The following DNAH8 variants were observed in gnomAD, a reference collection of about 807,000 sequenced individuals.
DNAH8 encodes axonemal beta dynein heavy chain 8.
Under a neutral mutation model 562.1 loss-of-function variants are expected in DNAH8, and 382 were observed. That is an observed-to-expected ratio of 0.68 (90% CI 0.63 to 0.74). The LOEUF is 0.74. Among genes scored for constraint, DNAH8 ranks in the 30% least tolerant of loss-of-function variants. The pLI is 0.00. For missense variants in DNAH8, 5,203 were observed against 5,620.4 expected (o/e 0.93, Z 2.37); for synonymous variants, 1,881 against 1,919.4 (o/e 0.98, Z 0.52).
Position 38,913,889 on chromosome 6 carries a change from A to T in DNAH8, c.9900A>T (p.Lys3300Asn). The T allele has an allele frequency of 6.2e-7, 1 of 1,613,302 alleles. No homozygotes were observed. Among genetic ancestry groups the T allele is most frequent in the Non-Finnish European group, 8.5e-7 (1 of 1,179,542 alleles). The change falls in exon 67 of 93, where the codon AAA becomes AAT. Residue 3300 changes from lysine to asparagine, a missense_variant. Physicochemically the swap from Lys to Asn is moderately conservative, Grantham distance 94 (BLOSUM62 0). Transcript: ENST00000327475. ...KLMEASESVA[K>N]LSQDLAVKEK... Reference sequence around the variant, plus strand: ...TGGAGGCAAGTGAATCTGTTGCTAAACTCTCTCAGGATCTTGCAGTCAAGG... The same window carrying T: ...TGGAGGCAAGTGAATCTGTTGCTAATCTCTCTCAGGATCTTGCAGTCAAGG...
chr6:38,948,391 T>G (rs1761606230), intron 80 of DNAH8, among the ~76,000 whole-genome samples: 1 of 152,108 alleles, frequency 6.6e-6, no homozygotes, highest in Admixed American at 6.5e-5. Context: ...AGAGCTGGAG[T>G]GCAATGGCAC....
At chr6:39,002,454 G>A (rs983755897) in intron 88 of DNAH8, among the ~76,000 whole-genome samples, 1 of 152,082 alleles carries the variant, frequency 6.6e-6, no homozygotes, top group African/African-American at 2.4e-5. Context: ...AGACTTATTT[G>A]TATTTTTCTT....
At chr6:38,861,598 C>G (rs930699705) in intron 43 of DNAH8, among the ~76,000 whole-genome samples, 1 of 152,188 alleles carries the variant, frequency 6.6e-6, no homozygotes, top group Admixed American at 6.5e-5. Context: ...TGCTCTGTCG[C>G]CCAGGCTGGA....
In DNAH8 at chr6:38,971,684, C is replaced by A; in HGVS notation, c.12525+19C>A. The A allele has an allele frequency of 6.4e-7, 1 of 1,558,768 alleles. No individual in the cohort carries two copies. The highest frequency in any genetic ancestry group is 8.7e-7 in the Non-Finnish European group (1 of 1,148,172). ...GCAGCAGGTATGTGACAAGAGACTG[C>A]TCCTGCTGCAACATTATTGCTAGAA... On this transcript the variant is annotated intron_variant, in intron 83 of 92. Transcript: ENST00000327475.
At chr6:39,001,961 C>G (rs1765518020) in intron 88 of DNAH8, among the ~76,000 whole-genome samples, 1 of 152,086 alleles carries the variant, frequency 6.6e-6, no homozygotes. Flanking sequence ...CTAAGAAGGT[C>G]TGGGGAGCCA....
chr6:38,854,643 C>T (rs1776039451), intron 41 of DNAH8, among the ~76,000 whole-genome samples: 1 of 151,886 alleles, frequency 6.6e-6, no homozygotes, highest in South Asian at 2.1e-4. Context: ...AAAAGAGTTC[C>T]TGAAACTAAA....
At chr6:38,933,403 T>G (rs1782708535) in intron 76 of DNAH8, among the ~76,000 whole-genome samples, 1 of 152,132 alleles carries the variant, frequency 6.6e-6, no homozygotes, top group African/African-American at 2.4e-5. Flanking sequence ...CCTACTATTA[T>G]ACCCATATTT....
chr6:38,842,963 C>A, intron 35 of DNAH8, 60 bp downstream of exon 35: 1 of 1,566,308 alleles, frequency 6.4e-7, no homozygotes, highest in Non-Finnish European at 8.7e-7. Context: ...TTTTTCTTTT[C>A]TGGGAGTTGT....
chr6:39,014,950 C>G (rs1766467238), intron 91 of DNAH8, among the ~76,000 whole-genome samples: 1 of 152,108 alleles, frequency 6.6e-6, no homozygotes, highest in African/African-American at 2.4e-5. Context: ...GGACCTTAAC[C>G]AGGTGCCAAG....
chr6:38,915,156 T>C, intron 67 of DNAH8, 45 bp from the exon 68 acceptor site: 2 of 1,533,242 alleles, frequency 1.3e-6, no homozygotes, highest in South Asian at 2.6e-5. Flanking sequence ...TAAATTTTGC[T>C]TGAAAGGTTT....
intron 33 of DNAH8, among the ~76,000 whole-genome samples, chr6:38,839,438 C>T (rs1177295622): frequency 2.6e-5 from 4 of 151,180 alleles, no homozygotes; most frequent in Admixed American, 1.3e-4. Flanking sequence ...TGGAATCACT[C>T]GACTTCCGTA....
At chr6:38,975,288 AT>A (rs1200238589) in intron 85 of DNAH8, among the ~76,000 whole-genome samples, 1 of 152,220 alleles carries the variant, frequency 6.6e-6, no homozygotes, top group Non-Finnish European at 1.5e-5. Context: ...AAAGCTATAC[AT>A]TTTCAATGCA....
At chr6:38,940,897 C>T (rs1453657008) in intron 79 of DNAH8, among the ~76,000 whole-genome samples, 2 of 136,572 alleles carry the variant, frequency 1.5e-5, no homozygotes, top group Non-Finnish European at 3.1e-5. Flanking sequence ...GCAGGCGGAT[C>T]ACAAGGTCAG....
At chr6:38,808,739 A>G (rs1170410655) in intron 24 of DNAH8, among the ~76,000 whole-genome samples, 1 of 152,238 alleles carries the variant, frequency 6.6e-6, no homozygotes, top group Non-Finnish European at 1.5e-5. Flanking sequence ...GCACATATAT[A>G]CCGTGGAATA....
chr6:38,786,626 C>A (rs1365982163), intron 17 of DNAH8, 139 bp from the exon 18 acceptor site: 7 of 758,870 alleles, frequency 9.2e-6, no homozygotes, highest in Non-Finnish European at 1.4e-5. Flanking sequence ...AGACGCTGTG[C>A]CTTAGCACCT....
At chr6:38,773,910 G>A (rs897082645) in intron 12 of DNAH8, among the ~76,000 whole-genome samples, 1 of 152,158 alleles carries the variant, frequency 6.6e-6, no homozygotes, top group South Asian at 2.1e-4. Context: ...TGACCAAGTG[G>A]CAAAGTCGAA....
intron 35 of DNAH8, 124 bp downstream of exon 35, chr6:38,843,027 AT>A: frequency 1.1e-6 from 1 of 878,952 alleles, no homozygotes; most frequent in Admixed American, 2.9e-5. Flanking sequence ...CACCCTCAAA[AT>A]TTGGAATGAT....
chr6:38,927,379 C>G (rs1213575738), intron 74 of DNAH8, among the ~76,000 whole-genome samples: 2 of 152,172 alleles, frequency 1.3e-5, no homozygotes, highest in Non-Finnish European at 2.9e-5. Flanking sequence ...TGCTGGGAAG[C>G]ACACCTAAAT....
chr6:38,783,009 C>G lies in DNAH8; in HGVS notation c.2265C>G (p.Asn755Lys). Residue 755 changes from asparagine to lysine, a missense_variant, in exon 17 of 93, where the codon AAC becomes AAG. Asn to Lys is a moderately conservative substitution (Grantham distance 94). Transcript: ENST00000327475. ...ISEPINYFFK[N>K]SDILSSPDGK... ...CTTTTCCCTTAAAAAAACAGAAAAA[C>G]TCAGACATTTTATCAAGTCCGGACG... The G allele has an allele frequency of 6.2e-7, 1 of 1,610,436 alleles. No individual in the cohort carries two copies. Among genetic ancestry groups the G allele is most frequent in the Non-Finnish European group, 8.5e-7 (1 of 1,179,020 alleles).
Sources: allele counts gnomAD v4.1 joint callset (sites outside exome capture counted in the v4.1 genomes callset), GRCh38; gene constraint gnomAD v4.1.1; transcripts MANE v1.5; gene names NCBI Gene and HGNC (gene_info 2026-07-23, HGNC 2026-07-21).